The following SRGAP3 variants were observed in gnomAD, a reference collection of about 807,000 sequenced individuals.
The protein encoded by SRGAP3 is SLIT-ROBO Rho GTPase activating protein 3, also known as SLIT-ROBO Rho GTPase-activating protein 3.
A neutral mutation model predicts 121.1 loss-of-function variants in SRGAP3; 39 were observed. That is an observed-to-expected ratio of 0.32 (90% CI 0.25 to 0.42). The LOEUF (loss-of-function observed/expected upper bound fraction) is 0.42, where lower values mean the gene tolerates loss of function less well. Ranked by LOEUF, SRGAP3 falls within the 10% of genes least tolerant of loss-of-function variation. SRGAP3 has a pLI of 1.00. For synonymous variants in SRGAP3, 601 were observed against 570.0 expected, an observed-to-expected ratio of 1.05 and a Z score of -0.77; for missense variants, 1,213 against 1,470.6, an observed-to-expected ratio of 0.82 and a Z score of 2.86.
At chr3:9,251,709 G>A (rs1033335940), upstream of SRGAP3, among the ~76,000 whole-genome samples, 1 of 152,096 alleles carries the variant, frequency 6.6e-6, no homozygotes, top group Non-Finnish European at 1.5e-5. Context: ...CTGAGCCATG[G>A]AAATGTCACA....
At chr3:9,236,530 T>C (rs1953414419) in intron 1 of SRGAP3, among the ~76,000 whole-genome samples, 2 of 152,162 alleles carry the variant, frequency 1.3e-5, no homozygotes, top group South Asian at 2.1e-4. Flanking sequence ...GTTCTCATGA[T>C]GGTGAGTGAG....
chr3:9,103,272 CAAACCCCTGA>C (rs1377965053), intron 3 of SRGAP3, among the ~76,000 whole-genome samples: 1 of 152,164 alleles, frequency 6.6e-6, no homozygotes, highest in Non-Finnish European at 1.5e-5. Flanking sequence ...CTCAGATCAC[CAAACCCCTGA>C]AACTGGCACC....
intron 10 of SRGAP3, among the ~76,000 whole-genome samples, chr3:9,045,509 A>AATGATGATG (rs759746569): frequency 1.3e-5 from 2 of 151,256 alleles, no homozygotes; most frequent in African/African-American, 4.9e-5. Context: ...GTATGGTGAT[A>AATGATGATG]ATGATGATGA....
intron 3 of SRGAP3, among the ~76,000 whole-genome samples, chr3:9,271,591 AGTT>A (rs1219177292): frequency 6.6e-6 from 1 of 152,136 alleles, no homozygotes; most frequent in Non-Finnish European, 1.5e-5. Flanking sequence ...ACTCCCTCAC[AGTT>A]GTTGTTGCTG....
chr3:9,134,244 C>A (rs556893916), intron 1 of SRGAP3, among the ~76,000 whole-genome samples: 3 of 152,268 alleles, frequency 2.0e-5, no homozygotes, highest in Non-Finnish European at 4.4e-5. Flanking sequence ...CAATTCCAAT[C>A]TTTGGACCCT....
chr3:9,272,760 T>C (rs1313991788), intron 3 of SRGAP3, among the ~76,000 whole-genome samples: 2 of 152,172 alleles, frequency 1.3e-5, no homozygotes, highest in Non-Finnish European at 2.9e-5. Flanking sequence ...TTATTTTTTG[T>C]ATATACCTAG....
rs1415269676 is a variant in SRGAP3 at position 9,096,976 on chromosome 3, TATATAC to T, written c.423+7698_423+7703del. Among the ~76,000 whole-genome samples, 455 of 84,982 alleles carry T rather than the reference TATATAC, an allele frequency of 5.4e-3. 6 individuals carry two copies. The highest frequency in any genetic ancestry group is 8.5e-3 in the South Asian group (27 of 3,184). 55.8% of individuals were successfully genotyped at this position (84,982 alleles called of 152,430 possible). A position where few individuals can be genotyped will look rare whatever the true frequency, so the allele number is the denominator to read the frequency against. ...ATATATATATATATATATATATATA[TATATAC>T]ACATACACACACATATATATATATT... On this transcript the variant is annotated intron_variant, in intron 3 of 21. Transcript: ENST00000383836.
At chr3:9,300,171 TCATCATCACCAC>T (rs1559266388) in intron 3 of SRGAP3, among the ~76,000 whole-genome samples, 2 of 121,540 alleles carry the variant, frequency 1.6e-5, no homozygotes, top group Non-Finnish European at 3.4e-5. Flanking sequence ...ATCATCATCT[TCATCATCACCAC>T]CATCATCACC....
At chr3:9,133,388 G>A (rs1359294850) in intron 1 of SRGAP3, among the ~76,000 whole-genome samples, 1 of 152,046 alleles carries the variant, frequency 6.6e-6, no homozygotes, top group Non-Finnish European at 1.5e-5. Context: ...TTAGGCTGAA[G>A]CGGGAGAATT....
chr3:9,008,916 G>A (rs910610214), intron 18 of SRGAP3, among the ~76,000 whole-genome samples: 1 of 152,126 alleles, frequency 6.6e-6, no homozygotes, highest in Non-Finnish European at 1.5e-5. Context: ...TGAGAGTTTG[G>A]GTAAGATGAT....
chr3:9,032,586 G>A (rs1045376429), intron 12 of SRGAP3, 64 bp downstream of exon 12: 61 of 1,439,568 alleles, frequency 4.2e-5, no homozygotes, highest in Non-Finnish European at 5.7e-5. Flanking sequence ...GCAGGGAGGC[G>A]GGCGGACAGA....
At chr3:9,051,841 T>C (rs1945594058) in intron 9 of SRGAP3, among the ~76,000 whole-genome samples, 1 of 151,464 alleles carries the variant, frequency 6.6e-6, no homozygotes, top group African/African-American at 2.4e-5. Context: ...GCCTCCCAAG[T>C]AGCTGGGACT....
At chr3:9,137,106 C>T (rs560467273) in intron 1 of SRGAP3, among the ~76,000 whole-genome samples, 13 of 152,120 alleles carry the variant, frequency 8.5e-5, no homozygotes, top group African/African-American at 3.1e-4. Flanking sequence ...GGAGACTGAG[C>T]CACAGAGAGG....
chr3:9,102,958 G>A (rs1317702090), intron 3 of SRGAP3, among the ~76,000 whole-genome samples: 1 of 152,182 alleles, frequency 6.6e-6, no homozygotes, highest in African/African-American at 2.4e-5. Context: ...GGGACCAACA[G>A]TCCAAACTTG....
intron 10 of SRGAP3, among the ~76,000 whole-genome samples, chr3:9,040,381 C>T (rs1944959940): frequency 1.3e-5 from 2 of 152,298 alleles, no homozygotes; most frequent in South Asian, 4.1e-4. Context: ...TGCTCTGCTA[C>T]AGATGCAGAG....
chr3:9,347,684 T>A (rs749988194), intron 1 of SRGAP3, among the ~76,000 whole-genome samples: 6 of 152,362 alleles, frequency 3.9e-5, no homozygotes, highest in South Asian at 4.1e-4. Context: ...TACAATTGAT[T>A]CTGGTGACAG....
At chr3:9,160,336 A>C (rs968911158) in intron 1 of SRGAP3, among the ~76,000 whole-genome samples, 1 of 152,138 alleles carries the variant, frequency 6.6e-6, no homozygotes, top group Non-Finnish European at 1.5e-5. Context: ...ATGGTGTATG[A>C]CTTCCAAGCC....
intron 3 of SRGAP3, among the ~76,000 whole-genome samples, chr3:9,307,459 A>G (rs1432023008): frequency 6.6e-6 from 1 of 152,238 alleles, no homozygotes; most frequent in African/African-American, 2.4e-5. Flanking sequence ...TGACTGAACA[A>G]TGGGAGGGAG....
At chr3:9,284,604 T>C (rs1295174695) in intron 3 of SRGAP3, among the ~76,000 whole-genome samples, 1 of 152,162 alleles carries the variant, frequency 6.6e-6, no homozygotes, top group Admixed American at 6.5e-5. Context: ...GCTGATCGGA[T>C]GGATTATTTG....
Sources: gnomAD v4.1 joint callset for allele counts (sites outside exome capture counted in the v4.1 genomes callset) on GRCh38, gnomAD v4.1.1 for gene constraint, MANE v1.5 for transcripts, NCBI Gene and HGNC (gene_info 2026-07-23, HGNC 2026-07-21) for gene names.